ZNF76: variants seen among roughly 807,000 people sequenced by gnomAD.
ZNF76 encodes zinc finger protein 523.
Under a neutral mutation model 66.9 loss-of-function variants are expected in ZNF76, and 66 were observed. The ratio of observed to expected loss-of-function variants is 0.99; its 90% CI spans 0.81 to 1.21. The LOEUF is 1.21. ZNF76 is among the 50% of genes most tolerant of loss of function. The pLI is 0.00. For synonymous variants in ZNF76, 275 were observed against 296.1 expected (o/e 0.93, Z 0.73); for missense variants, 729 against 760.3 (o/e 0.96, Z 0.48).
Position 35,287,957 on chromosome 6 carries a change from T to C in ZNF76, c.432+112T>C. ...CCTCTCAAGAGGACAAGGGCAGCCC[T>C]GTGCTTGGGCACCATGTGGGATATT... is the stretch of plus-strand genomic sequence containing the variant. On this transcript the variant is annotated intron_variant, in intron 5 of 13. Coordinates refer to ENST00000373953, the MANE Select transcript of ZNF76 (RefSeq NM_003427.5). The surrounding 1 kb of genome is among the most constrained non-coding windows in gnomAD (Gnocchi z 4.0). 8.0e-7 allele frequency: 1 copy of C among 1,246,470 alleles called. No individual in the cohort carries two copies. Among genetic ancestry groups the C allele is most frequent in the Non-Finnish European group, 1.1e-6 (1 of 880,960 alleles). 77.2% of individuals were successfully genotyped at this position (1,246,470 alleles called of 1,614,324 possible). A position where few individuals can be genotyped will look rare whatever the true frequency, so the allele number is the denominator to read the frequency against.
chr6:35,276,867 G>T (rs1278434652), intron 1 of ZNF76, among the ~76,000 whole-genome samples: 3 of 143,856 alleles, frequency 2.1e-5, no homozygotes, highest in Non-Finnish European at 4.5e-5. Flanking sequence ...TGCAATTTTG[G>T]CTCACTGCAA....
rs1791091080 is a variant in ZNF76 at position 35,295,765 on chromosome 6, G to C, written c.*517G>C. 1 of 197,932 alleles carries C rather than the reference G, an allele frequency of 5.1e-6. No individual in the cohort carries two copies. The allele number at this position is 197,932 out of a possible 1,614,324, so 12.3% of individuals were successfully genotyped here. ...ACACCACAGTCAATTAATTCCTCAGGGGCCTGTGGCTGAAGAAAAGGTGCC... is the reference window on the plus strand; with the variant it reads ...ACACCACAGTCAATTAATTCCTCAGCGGCCTGTGGCTGAAGAAAAGGTGCC... On this transcript the variant is annotated 3_prime_UTR_variant, in exon 14 of 14. Transcript: ENST00000373953.
intron 1 of ZNF76, among the ~76,000 whole-genome samples, chr6:35,267,298 A>G (rs1786293912): frequency 6.6e-6 from 1 of 151,906 alleles, no homozygotes; most frequent in Non-Finnish European, 1.5e-5. Context: ...GGGTTTCACC[A>G]TGCTGCCCAG....
chr6:35,288,692 C>T (rs1422445988), intron 5 of ZNF76, among the ~76,000 whole-genome samples: 1 of 152,240 alleles, frequency 6.6e-6, no homozygotes, highest in Non-Finnish European at 1.5e-5. Context: ...AGCAGAGGCT[C>T]ACGCCTGTAA....
chr6:35,260,675 G>A (rs1168240484), intron 1 of ZNF76, among the ~76,000 whole-genome samples: 3 of 152,166 alleles, frequency 2.0e-5, no homozygotes, highest in Non-Finnish European at 4.4e-5. Flanking sequence ...TGTCACTGCT[G>A]TGCTTTAGGG....
At chr6:35,284,691 G>A (rs908504820) in intron 2 of ZNF76, among the ~76,000 whole-genome samples, 6 of 151,634 alleles carry the variant, frequency 4.0e-5, no homozygotes, top group East Asian at 1.9e-4. Context: ...GTAAGCCACC[G>A]TGCCCAGCCT....
chr6:35,286,931 T>C (rs567012585), intron 4 of ZNF76: 1 of 167,628 alleles, frequency 6.0e-6, no homozygotes, highest in Non-Finnish European at 1.3e-5. Flanking sequence ...AACTGATCAT[T>C]ACAAACAGAG....
intron 1 of ZNF76, among the ~76,000 whole-genome samples, chr6:35,264,188 T>A (rs1230274470): frequency 6.6e-6 from 1 of 152,234 alleles, no homozygotes; most frequent in African/African-American, 2.4e-5. Flanking sequence ...TCTACATTCA[T>A]TTTGTGGACA....
intron 1 of ZNF76, among the ~76,000 whole-genome samples, chr6:35,271,263 G>A (rs1352715473): frequency 6.6e-6 from 1 of 152,212 alleles, no homozygotes; most frequent in Non-Finnish European, 1.5e-5. Flanking sequence ...AATTTTGGTT[G>A]CTATTGTCAA....
At chr6:35,293,704 C>T (rs748064475) in intron 11 of ZNF76, 47 bp from the exon 12 acceptor site, 1 of 1,596,832 alleles carries the variant, frequency 6.3e-7, no homozygotes, top group Non-Finnish European at 8.6e-7. Flanking sequence ...GACTTTCAGA[C>T]AACCCTCCAC....
intron 1 of ZNF76, among the ~76,000 whole-genome samples, chr6:35,278,127 A>T (rs1788189545): frequency 6.6e-6 from 1 of 151,492 alleles, no homozygotes; most frequent in Non-Finnish European, 1.5e-5. Flanking sequence ...AAGTGCTGGG[A>T]TTACAGGTGT....
chr6:35,268,703 G>T (rs1562090077), intron 1 of ZNF76, among the ~76,000 whole-genome samples: 5 of 151,550 alleles, frequency 3.3e-5, no homozygotes, highest in Admixed American at 1.3e-4. Flanking sequence ...GACCCAGGAG[G>T]CGGAGGTTGC....
intron 1 of ZNF76, among the ~76,000 whole-genome samples, chr6:35,260,401 C>T (rs1210643581): frequency 6.6e-6 from 1 of 152,142 alleles, no homozygotes; most frequent in African/African-American, 2.4e-5. Flanking sequence ...CACGCACTCA[C>T]CTTGTACACA....
At position 35,291,270 on chromosome 6, in the gene ZNF76, A is replaced by G; in HGVS notation, c.626-8A>G. 3 of 1,603,928 alleles carry G rather than the reference A, an allele frequency of 1.9e-6. No individual in the cohort carries two copies. The highest frequency in any genetic ancestry group is 1.7e-6 in the Non-Finnish European group (2 of 1,175,014). On this transcript the variant is annotated splice_region_variant and splice_polypyrimidine_tract_variant and intron_variant, in intron 7 of 13. Transcript: ENST00000373953. Reference sequence around the variant, plus strand: ...TCATCTCACCCCCTGCCTGCCACATATGGACAGGCTATGGACTGAAGAGCC... The same window carrying G: ...TCATCTCACCCCCTGCCTGCCACATGTGGACAGGCTATGGACTGAAGAGCC...
chr6:35,262,035 A>G (rs2150332731), intron 1 of ZNF76, among the ~76,000 whole-genome samples: 1 of 152,364 alleles, frequency 6.6e-6, no homozygotes, highest in Non-Finnish European at 1.5e-5. Flanking sequence ...AGGAGCCTTC[A>G]TAAGGAAATG....
chr6:35,294,633 G>A (rs1419018009), intron 13 of ZNF76, 64 bp downstream of exon 13: 2 of 1,149,558 alleles, frequency 1.7e-6, no homozygotes, highest in East Asian at 2.3e-5. Flanking sequence ...GAATAAAGGG[G>A]AATTAGATGA....
chr6:35,261,055 A>C (rs1445945300), intron 1 of ZNF76, among the ~76,000 whole-genome samples: 1 of 152,134 alleles, frequency 6.6e-6, no homozygotes, highest in Non-Finnish European at 1.5e-5. Context: ...TTCCAGACTG[A>C]TTCTGGCCCT....
chr6:35,294,877 A>G (rs997493466), intron 13 of ZNF76: 2 of 572,082 alleles, frequency 3.5e-6, no homozygotes, highest in Admixed American at 6.1e-5. Flanking sequence ...GTAGATGATC[A>G]CCACGGTTCT....
Position 35,292,168 on chromosome 6 carries a change from G to C in ZNF76, c.932-386G>C. On this transcript the variant is annotated intron_variant, in intron 9 of 13. Coordinates refer to ENST00000373953, the MANE Select transcript of ZNF76 (RefSeq NM_003427.5). This position sits in a 1 kb window ranked among gnomAD's most constrained non-coding sequence, Gnocchi z 4.7. ...TGCCCCTCATCCAGCTTTCTGTGTT[G>C]TGTCTCAGCATGTGTGTCCCCTCTT... 2.5e-6 allele frequency: 1 copy of C among 399,700 alleles called. No homozygotes were observed. The highest frequency in any genetic ancestry group is 4.7e-6 in the Non-Finnish European group (1 of 212,078). The allele number at this position is 399,700 out of a possible 1,614,324, so 24.8% of individuals were successfully genotyped here. A position where few individuals can be genotyped will look rare whatever the true frequency, so the allele number is the denominator to read the frequency against.
Sources: allele counts gnomAD v4.1 joint callset (sites outside exome capture counted in the v4.1 genomes callset), GRCh38; gene constraint gnomAD v4.1.1; non-coding constraint Gnocchi (gnomAD v3.1); transcripts MANE v1.5; gene names NCBI Gene and HGNC (gene_info 2026-07-23, HGNC 2026-07-21).